Variants in MED13L observed in about 807,000 individuals in gnomAD.
The protein encoded by MED13L is mediator of RNA polymerase II transcription subunit 13-like.
In MED13L, 7 loss-of-function variants were observed where a neutral mutation model predicts 220.9. That is an observed-to-expected ratio of 0.03 (90% CI 0.02 to 0.06). The LOEUF is 0.06. MED13L is among the 10% of genes least tolerant of loss of function. The probability of loss-of-function intolerance (pLI) is 1.00; values close to 1 mark genes in which losing one functional copy is unlikely to be tolerated. For missense variants in MED13L, 1,965 were observed against 2,760.5 expected (o/e 0.71, Z 6.46); for synonymous variants, 1,011 against 1,015.2 (o/e 1.00, Z 0.08).
chr12:116,246,878 AGGGAGGTG>A (rs1199953257), intron 1 of MED13L, among the ~76,000 whole-genome samples: 10 of 21,082 alleles, frequency 4.7e-4, no homozygotes, highest in East Asian at 1.9e-3. Flanking sequence ...AGAGGAGGGG[AGGGAGGTG>A]GGGAGGTGGG....
chr12:115,989,313 C>T (rs184560660), intron 17 of MED13L, among the ~76,000 whole-genome samples: 1 of 152,254 alleles, frequency 6.6e-6, no homozygotes, highest in African/African-American at 2.4e-5. Context: ...TCTTCACTTG[C>T]ATTTTAATGC....
intron 2 of MED13L, among the ~76,000 whole-genome samples, chr12:116,220,850 CCA>C (rs1042401871): frequency 7.2e-5 from 11 of 152,042 alleles, no homozygotes; most frequent in Admixed American, 2.0e-4. Flanking sequence ...CTTATGAAAA[CCA>C]CAGAGTTGGG....
chr12:116,103,666 T>C (rs80114634), intron 3 of MED13L, among the ~76,000 whole-genome samples: 1 of 152,214 alleles, frequency 6.6e-6, no homozygotes, highest in Non-Finnish European at 1.5e-5. Context: ...ACAGACTGAT[T>C]AGTCTCAGGG....
intron 2 of MED13L, among the ~76,000 whole-genome samples, chr12:116,165,582 A>G (rs1019597368): frequency 6.6e-6 from 1 of 151,790 alleles, no homozygotes; most frequent in South Asian, 2.1e-4. Context: ...CCCCCGCCTC[A>G]GCCTCCCAAA....
chr12:116,239,399 CT>C (rs1192895086), intron 1 of MED13L, among the ~76,000 whole-genome samples: 1 of 152,160 alleles, frequency 6.6e-6, no homozygotes, highest in Non-Finnish European at 1.5e-5. Flanking sequence ...ATAATAATCA[CT>C]AGCATCCTAC....
intron 1 of MED13L, among the ~76,000 whole-genome samples, chr12:116,244,331 A>G (rs1185808374): frequency 6.6e-6 from 1 of 152,238 alleles, no homozygotes; most frequent in Non-Finnish European, 1.5e-5. Flanking sequence ...AAATAAACAT[A>G]CACATCTGCT....
chr12:116,132,533 C>A (rs927605111), intron 2 of MED13L, among the ~76,000 whole-genome samples: 1 of 151,952 alleles, frequency 6.6e-6, no homozygotes, highest in African/African-American at 2.4e-5. Context: ...GCTATTTCCA[C>A]ATGGAAATGT....
intron 30 of MED13L, among the ~76,000 whole-genome samples, chr12:115,961,864 G>A (rs1875782457): frequency 6.6e-6 from 1 of 152,060 alleles, no homozygotes; most frequent in African/African-American, 2.4e-5. Context: ...CCAGCTACTT[G>A]GGAGGCTGAG....
intron 2 of MED13L, among the ~76,000 whole-genome samples, chr12:116,163,059 G>A (rs1879002480): frequency 6.6e-6 from 1 of 152,130 alleles, no homozygotes; most frequent in African/African-American, 2.4e-5. Flanking sequence ...CATTTTTAAT[G>A]CAAAATACAA....
At position 115,986,358 on chromosome 12, in the gene MED13L, G is replaced by A. The variant is rs951073432; in HGVS notation, c.4246C>T (p.Arg1416Cys). The A allele has an allele frequency of 3.7e-6, 6 of 1,613,952 alleles. No homozygotes were observed. Among genetic ancestry groups the A allele is most frequent in the South Asian group, 1.1e-5 (1 of 91,078 alleles). Residue 1416 changes from arginine (R) to cysteine (C), a missense_variant, in exon 19 of 31, where the codon CGT becomes TGT. Transcript: ENST00000281928. ...CACACCACAATATAGGCAACATCACGGTGGCCCCCATATGGGTCCAACAAG... is the reference window on the plus strand; with the variant it reads ...CACACCACAATATAGGCAACATCACAGTGGCCCCCATATGGGTCCAACAAG... Reference protein sequence around the residue: ...RLLLDPYGGHRDVAYIVVCPE... With the variant: ...RLLLDPYGGHCDVAYIVVCPE...
intron 4 of MED13L, among the ~76,000 whole-genome samples, chr12:116,067,028 T>C (rs1869994558): frequency 6.6e-6 from 1 of 152,102 alleles, no homozygotes; most frequent in Admixed American, 6.6e-5. Context: ...TGAATGTTTC[T>C]GCGAGTGGAA....
chr12:116,244,862 G>A (rs896202691), intron 1 of MED13L, among the ~76,000 whole-genome samples: 5 of 152,126 alleles, frequency 3.3e-5, no homozygotes, highest in African/African-American at 4.8e-5. Context: ...TAAAGTGAGC[G>A]GGTCTCTTGA....
chr12:116,171,015 C>G (rs1014616055), intron 2 of MED13L, among the ~76,000 whole-genome samples: 2 of 152,244 alleles, frequency 1.3e-5, no homozygotes, highest in Non-Finnish European at 2.9e-5. Flanking sequence ...GCTAAGGCAC[C>G]ACCAGCAGTT....
chr12:116,076,743 C>A (rs1249990028), intron 4 of MED13L, among the ~76,000 whole-genome samples: 1 of 152,042 alleles, frequency 6.6e-6, no homozygotes, highest in Non-Finnish European at 1.5e-5. Context: ...TTTTTTTAAT[C>A]TTTAAGTATC....
chr12:116,070,245 T>G (rs897042093), intron 4 of MED13L, among the ~76,000 whole-genome samples: 1 of 152,180 alleles, frequency 6.6e-6, no homozygotes, highest in African/African-American at 2.4e-5. Context: ...CCCAAATCCA[T>G]GTTAATAGCT....
At chr12:116,061,492 T>C (rs1047761726) in intron 4 of MED13L, among the ~76,000 whole-genome samples, 5 of 152,076 alleles carry the variant, frequency 3.3e-5, no homozygotes, top group Non-Finnish European at 5.9e-5. Flanking sequence ...TGCTACAAAG[T>C]AAGATAATAA....
At chr12:116,123,873 G>A (rs184358101) in intron 2 of MED13L, among the ~76,000 whole-genome samples, 3 of 152,024 alleles carry the variant, frequency 2.0e-5, no homozygotes, top group African/African-American at 7.2e-5. Flanking sequence ...CATTAGACAC[G>A]CCTGGAGTGA....
chr12:116,022,479 T>C lies in MED13L; in HGVS notation c.602A>G (p.Gln201Arg). The change falls in exon 5 of 31, where the codon CAG (glutamine) becomes CGG (arginine). Residue 201 changes from glutamine (Q) to arginine (R), a missense_variant. Physicochemically the swap from Gln to Arg is conservative, Grantham distance 43. This residue lies in a region of MED13L where 818 missense variants were observed against 1,041.2 expected (regional missense o/e 0.79). Transcript: ENST00000281928. ...ACCTTGAAATGGTGCAGGTGAAGAC[T>C]GAGCCATGTGTATATGCTCCTCATT... ...LINEEHIHMA[Q>R]SSPAPFQVLV... 1 of 1,613,814 alleles carries C rather than the reference T, an allele frequency of 6.2e-7. No individual in the cohort carries two copies. The highest frequency in any genetic ancestry group is 8.5e-7 in the Non-Finnish European group (1 of 1,179,854).
At chr12:116,143,903 T>G (rs954346117) in intron 2 of MED13L, among the ~76,000 whole-genome samples, 1 of 152,190 alleles carries the variant, frequency 6.6e-6, no homozygotes, top group Non-Finnish European at 1.5e-5. Flanking sequence ...AACTTGTACC[T>G]TAAAGGTTAT....
Sources: gnomAD v4.1 joint callset for allele counts (sites outside exome capture counted in the v4.1 genomes callset) on GRCh38, gnomAD v4.1.1 for gene constraint, gnomAD v4.1.1 regional missense constraint, MANE v1.5 for transcripts, NCBI Gene and HGNC (gene_info 2026-07-23, HGNC 2026-07-21) for gene names.